ACTR3C: variants seen among roughly 807,000 people sequenced by gnomAD.
ACTR3C encodes actin-related protein 3C.
Under a neutral mutation model 26.3 loss-of-function variants are expected in ACTR3C, and 18 were observed. The observed-to-expected ratio is 0.68, with a 90% CI of 0.47 to 1.01. The LOEUF (loss-of-function observed/expected upper bound fraction) is 1.01. ACTR3C is among the 50% of genes least tolerant of loss of function. The probability of loss-of-function intolerance (pLI) is 0.00; values close to 1 mark genes in which losing one functional copy is unlikely to be tolerated. For synonymous variants in ACTR3C, 55 were observed against 94.5 expected (o/e 0.58, Z 2.42); for missense variants, 184 against 250.7 (o/e 0.73, Z 1.80).
the ACTR3C span, among the ~76,000 whole-genome samples, chr7:150,108,658 G>T: frequency 6.7e-6 from 1 of 150,338 alleles, no homozygotes; most frequent in Non-Finnish European, 1.5e-5. Context: ...GCAGGAGAAG[G>T]TTCGTTCTCT....
chr7:149,913,906 G>A, the ACTR3C span, among the ~76,000 whole-genome samples: 1 of 48,872 alleles, frequency 2.0e-5, no homozygotes, highest in Non-Finnish European at 4.4e-5. Context: ...TTTTTTTTTT[G>A]AGACAGTCTC....
At chr7:150,112,319 C>T in the ACTR3C span, among the ~76,000 whole-genome samples, 10 of 152,194 alleles carry the variant, frequency 6.6e-5, no homozygotes, top group African/African-American at 2.2e-4. Context: ...GTGCAAGCCT[C>T]CATAATTCTA....
chr7:149,967,683 C>G, the ACTR3C span, among the ~76,000 whole-genome samples: 8 of 152,124 alleles, frequency 5.3e-5, no homozygotes, highest in Middle Eastern at 3.2e-3. Flanking sequence ...GCTAGATAAG[C>G]CTCTTGTTAA....
chr7:150,010,115 A>G, the ACTR3C span, among the ~76,000 whole-genome samples: 1 of 152,222 alleles, frequency 6.6e-6, no homozygotes, highest in African/African-American at 2.4e-5. Context: ...GTGCCAGCCA[A>G]GTGGGCATTC....
chr7:150,175,815 C>CAAAAA, the ACTR3C span, among the ~76,000 whole-genome samples: 86 of 45,260 alleles, frequency 1.9e-3, no homozygotes, highest in East Asian at 3.0e-3. Flanking sequence ...TCCATCTGAA[C>CAAAAA]AAAAAAAAAA....
At chr7:150,005,750 A>G in the ACTR3C span, among the ~76,000 whole-genome samples, 1 of 152,182 alleles carries the variant, frequency 6.6e-6, no homozygotes, top group Non-Finnish European at 1.5e-5. Flanking sequence ...TGCCATTGTT[A>G]TACTGCGAGA....
At chr7:150,100,655 G>C in the ACTR3C span, among the ~76,000 whole-genome samples, 1 of 151,226 alleles carries the variant, frequency 6.6e-6, no homozygotes, top group Non-Finnish European at 1.5e-5. Context: ...TATTTTCCCA[G>C]CTATCTTATA....
At chr7:150,022,313 ATTAT>A in the ACTR3C span, among the ~76,000 whole-genome samples, 1 of 149,800 alleles carries the variant, frequency 6.7e-6, no homozygotes, top group African/African-American at 2.5e-5. Flanking sequence ...TTTTGATGGG[ATTAT>A]TTGTTTTTTT....
In ACTR3C at chr7:150,248,791, A is replaced by G. The variant is rs577391998; in HGVS notation, c.*38+157T>C. 9 of 411,564 alleles carry G rather than the reference A, an allele frequency of 2.2e-5. 1 individual carries two copies. In the South Asian group the frequency reaches 7.1e-4, roughly 33 times the overall value. The allele number at this position is 411,564 out of a possible 1,614,324, so 25.5% of individuals were successfully genotyped here. A position where few individuals can be genotyped will look rare whatever the true frequency, so the allele number is the denominator to read the frequency against. ...AGTCGATTGAGACTCCAACATAAAG[A>G]TGACTCAGGTGCTGGGATTACCTGC... On this transcript the variant is annotated intron_variant, in intron 7 of 7. Coordinates refer to ENST00000683684, the MANE Select transcript of ACTR3C (RefSeq NM_001164458.2).
chr7:150,322,837 G>C (rs1170135883), intron 1 of ACTR3C: 3 of 152,314 alleles, frequency 2.0e-5, no homozygotes, highest in Non-Finnish European at 4.4e-5. Context: ...AACACCAGGA[G>C]ACACCCTGGG....
the ACTR3C span, among the ~76,000 whole-genome samples, chr7:150,003,751 G>T: frequency 6.6e-6 from 1 of 152,220 alleles, no homozygotes; most frequent in Non-Finnish European, 1.5e-5. Context: ...TGTACAGTGT[G>T]GTGTATGGTG....
At chr7:149,935,941 T>C in the ACTR3C span, among the ~76,000 whole-genome samples, 21 of 152,310 alleles carry the variant, frequency 1.4e-4, no homozygotes, top group South Asian at 3.9e-3. Flanking sequence ...CTGGAATTTT[T>C]AATTTGGGAA....
At chr7:150,152,493 C>T in the ACTR3C span, among the ~76,000 whole-genome samples, 1 of 152,190 alleles carries the variant, frequency 6.6e-6, no homozygotes, top group Non-Finnish European at 1.5e-5. Flanking sequence ...ATGAAGCCCA[C>T]TTGATCATGG....
chr7:150,041,940 A>G, the ACTR3C span, among the ~76,000 whole-genome samples: 5 of 145,702 alleles, frequency 3.4e-5, no homozygotes, highest in South Asian at 2.2e-4. Context: ...GCTCTCAGTA[A>G]TCCCACGTAA....
chr7:150,269,439 C>T (rs1182092613), intron 6 of ACTR3C, among the ~76,000 whole-genome samples: 1 of 149,834 alleles, frequency 6.7e-6, no homozygotes, highest in African/African-American at 2.5e-5. Flanking sequence ...CTCCCACGCC[C>T]TCATCTGTGA....
chr7:150,192,970 T>A, the ACTR3C span, among the ~76,000 whole-genome samples: 1 of 152,226 alleles, frequency 6.6e-6, no homozygotes, highest in Non-Finnish European at 1.5e-5. Context: ...TTAACCTCTG[T>A]ATTGTACCTT....
At chr7:150,055,618 C>T in the ACTR3C span, among the ~76,000 whole-genome samples, 1 of 151,528 alleles carries the variant, frequency 6.6e-6, no homozygotes. Context: ...AGTTTCATGT[C>T]AGGAAGAAGG....
At chr7:150,123,254 C>CA in the ACTR3C span, among the ~76,000 whole-genome samples, 418 of 149,820 alleles carry the variant, frequency 2.8e-3, 2 homozygotes, top group South Asian at 0.025. Flanking sequence ...AAAATCAGGA[C>CA]AAAAAAAAAG....
the ACTR3C span, among the ~76,000 whole-genome samples, chr7:150,193,866 T>C: frequency 1.1e-4 from 17 of 151,890 alleles, no homozygotes; most frequent in African/African-American, 3.4e-4. Context: ...CCAGATGTTC[T>C]TGCATACTAA....
Sources: allele counts gnomAD v4.1 joint callset (sites outside exome capture counted in the v4.1 genomes callset), GRCh38; gene constraint gnomAD v4.1.1; transcripts MANE v1.5; gene names NCBI Gene and HGNC (gene_info 2026-07-23, HGNC 2026-07-21).